PCDHGA10: variants seen among roughly 807,000 people sequenced by gnomAD.
The protein encoded by PCDHGA10 is protocadherin gamma-A10.
PCDHGA10 carries 42 observed loss-of-function variants against 59.5 expected under a neutral mutation model. The observed-to-expected ratio is 0.71, with a 90% CI of 0.55 to 0.91. PCDHGA10 has a LOEUF of 0.91. Among genes scored for constraint, PCDHGA10 ranks in the 40% least tolerant of loss-of-function variants. The pLI, the probability that PCDHGA10 is intolerant of heterozygous loss-of-function variation, is 0.00. For synonymous variants in PCDHGA10, 511 were observed against 517.2 expected, an observed-to-expected ratio of 0.99 and a Z score of 0.16; for missense variants, 1,111 against 1,198.2, an observed-to-expected ratio of 0.93 and a Z score of 1.07.
chr5:141,422,349 T>G, intron 1 of PCDHGA10: 1 of 1,554,722 alleles, frequency 6.4e-7, no homozygotes, highest in South Asian at 1.3e-5. Flanking sequence ...ATGTGCAAGA[T>G]CAAGATTCTG....
Position 141,432,804 on chromosome 5 carries a change from C to T in PCDHGA10, c.2436+17193C>T, listed in dbSNP as rs1482036720. The T allele has an allele frequency of 1.2e-6, 2 of 1,614,182 alleles. No individual in the cohort carries two copies. Among genetic ancestry groups the T allele is most frequent in the Non-Finnish European group, 1.7e-6 (2 of 1,180,008 alleles). ...GACCTCGGCAGCCTCGAGTCTCCAG[C>T]TAACTCTGAAACCTCAGACCTCACT... is the stretch of plus-strand genomic sequence containing the variant. On this transcript the variant is annotated intron_variant, in intron 1 of 3. Transcript: ENST00000398610. This position sits in a 1 kb window ranked among gnomAD's most constrained non-coding sequence, Gnocchi z 6.0.
chr5:141,446,138 T>C (rs1254949926), intron 1 of PCDHGA10, among the ~76,000 whole-genome samples: 1 of 152,208 alleles, frequency 6.6e-6, no homozygotes, highest in African/African-American at 2.4e-5. Context: ...GACTTAATAA[T>C]GGAATAGGTG....
Position 141,477,265 on chromosome 5 carries a change from G to T in PCDHGA10, c.2437-17542G>T. On this transcript the variant is annotated intron_variant, in intron 1 of 3. Coordinates refer to ENST00000398610, the MANE Select transcript of PCDHGA10 (RefSeq NM_018913.3). The surrounding 1 kb of genome is among the most constrained non-coding windows in gnomAD (Gnocchi z 4.9). ...GTGTGACTGACCTGGATGCTGGCGA[G>T]AACGGGCTGGTGACCTGCGAAGTTC... 6.2e-7 allele frequency: 1 copy of T among 1,614,198 alleles called. No individual in the cohort carries two copies. Among genetic ancestry groups the T allele is most frequent in the Non-Finnish European group, 8.5e-7 (1 of 1,180,044 alleles).
chr5:141,427,995 G>C (rs1292989797), intron 1 of PCDHGA10: 2 of 1,599,590 alleles, frequency 1.3e-6, no homozygotes, highest in African/African-American at 2.7e-5. Flanking sequence ...CGATGGCTCC[G>C]CACTCTTCGA....
intron 1 of PCDHGA10, among the ~76,000 whole-genome samples, chr5:141,425,440 A>G (rs1438530374): frequency 2.0e-5 from 3 of 152,248 alleles, no homozygotes; most frequent in Non-Finnish European, 4.4e-5. Flanking sequence ...GAGGATAAAA[A>G]TAAAACACCA....
chr5:141,430,383 G>GAAA (rs139772145), intron 1 of PCDHGA10, among the ~76,000 whole-genome samples: 2 of 138,566 alleles, frequency 1.4e-5, no homozygotes, highest in South Asian at 4.6e-4. Flanking sequence ...AGCTCATTGG[G>GAAA]AAAAAAAAAA....
At chr5:141,468,744 T>G (rs113912306) in intron 1 of PCDHGA10, among the ~76,000 whole-genome samples, 5,602 of 152,138 alleles carry the variant, frequency 0.037, 142 homozygotes, top group South Asian at 0.077. Flanking sequence ...CGGGTGCCTG[T>G]AGTCCCAGCT....
At chr5:141,423,837 A>G (rs73792199) in intron 1 of PCDHGA10, 16,285 of 1,277,458 alleles carry the variant, frequency 0.013, 610 homozygotes, top group African/African-American at 0.098. Context: ...TGAGATTACG[A>G]TAATCTTTCA....
At chr5:141,509,376 C>A (rs2099876528) in intron 3 of PCDHGA10, among the ~76,000 whole-genome samples, 1 of 152,122 alleles carries the variant, frequency 6.6e-6, no homozygotes, top group African/African-American at 2.4e-5. Flanking sequence ...TTAACTGTCT[C>A]CTAACCACAG....
In PCDHGA10 at chr5:141,422,632, G is replaced by T. The variant is rs199543811; in HGVS notation, c.2436+7021G>T. ...CTACATTCCCGAAAACAACCCCAGGGGTGCCTCCATCTTCTCAGTGACCGC... is the reference window on the plus strand; with the variant it reads ...CTACATTCCCGAAAACAACCCCAGGTGTGCCTCCATCTTCTCAGTGACCGC... On this transcript the variant is annotated intron_variant, in intron 1 of 3. Coordinates refer to ENST00000398610, the MANE Select transcript of PCDHGA10 (RefSeq NM_018913.3). 4,245 of 1,613,132 alleles carry T rather than the reference G, an allele frequency of 2.6e-3. 5 individuals carry two copies. The highest frequency in any genetic ancestry group is 3.2e-3 in the Admixed American group (193 of 59,948).
chr5:141,448,784 C>CA (rs576464275), intron 1 of PCDHGA10, among the ~76,000 whole-genome samples: 7,532 of 145,718 alleles, frequency 0.052, 302 homozygotes, highest in African/African-American at 0.11. Flanking sequence ...ACTAAAAATA[C>CA]AAAAAAAAAA....
chr5:141,427,458 A>T (rs2097029342), intron 1 of PCDHGA10: 1 of 494,398 alleles, frequency 2.0e-6, no homozygotes, highest in African/African-American at 1.9e-5. Context: ...TCCTTTTAGA[A>T]TCGAATCTTC....
intron 1 of PCDHGA10, among the ~76,000 whole-genome samples, chr5:141,492,206 G>T (rs1180294159): frequency 6.6e-6 from 1 of 152,204 alleles, no homozygotes; most frequent in African/African-American, 2.4e-5. Context: ...TTAGGTGTGC[G>T]CGCGGGGCTC....
In PCDHGA10 at chr5:141,490,861, T is replaced by C. The variant is rs1465042036; in HGVS notation, c.2437-3946T>C. The C allele has an allele frequency of 1.2e-6, 2 of 1,613,816 alleles. No individual in the cohort carries two copies. Among genetic ancestry groups the C allele is most frequent in the Non-Finnish European group, 1.7e-6 (2 of 1,179,920 alleles). On this transcript the variant is annotated intron_variant, in intron 1 of 3. Coordinates refer to ENST00000398610, the MANE Select transcript of PCDHGA10 (RefSeq NM_018913.3). The surrounding 1 kb of genome is among the most constrained non-coding windows in gnomAD (Gnocchi z 5.4). Reference sequence around the variant, plus strand: ...TGTGGTGGGGGTTCGAGACTCCGGCTCTCCCCCATTGCATGCCAACACATC... The same window carrying C: ...TGTGGTGGGGGTTCGAGACTCCGGCCCTCCCCCATTGCATGCCAACACATC...
At chr5:141,433,103 C>T (rs762225174) in intron 1 of PCDHGA10, 3 of 1,614,126 alleles carry the variant, frequency 1.9e-6, no homozygotes, top group Non-Finnish European at 2.5e-6. Flanking sequence ...GCTCGTCAGC[C>T]AGGAGAGCTT....
Position 141,432,691 on chromosome 5 carries a change from G to T in PCDHGA10, c.2436+17080G>T. 1 of 1,613,942 alleles carries T rather than the reference G, an allele frequency of 6.2e-7. No individual in the cohort carries two copies. The highest frequency in any genetic ancestry group is 1.1e-5 in the South Asian group (1 of 91,068). On this transcript the variant is annotated intron_variant, in intron 1 of 3. Coordinates refer to ENST00000398610, the MANE Select transcript of PCDHGA10 (RefSeq NM_018913.3). This position sits in a 1 kb window ranked among gnomAD's most constrained non-coding sequence, Gnocchi z 6.0. ...ACGCGCTCAAGCAGAGCCTCGTAGT[G>T]GCCGTCCAGGACCACGGCCAGCCCC... is the stretch of plus-strand genomic sequence containing the variant.
In PCDHGA10 at chr5:141,431,357, C is replaced by G. The variant is rs762220618; in HGVS notation, c.2436+15746C>G. 1.9e-5 allele frequency: 31 copies of G among 1,613,926 alleles called. No homozygotes were observed. Among genetic ancestry groups the G allele is most frequent in the Non-Finnish European group, 2.2e-5 (26 of 1,180,046 alleles). On this transcript the variant is annotated intron_variant, in intron 1 of 3. Coordinates refer to ENST00000398610, the MANE Select transcript of PCDHGA10 (RefSeq NM_018913.3). The surrounding 1 kb of genome is among the most constrained non-coding windows in gnomAD (Gnocchi z 4.8). ...CCCCGAATTGGTGCTGAAACGCGCC[C>G]TGGACCGCGAAGAAAAGGCTGCTCA...
At chr5:141,445,312 T>C (rs1419229431) in intron 1 of PCDHGA10, among the ~76,000 whole-genome samples, 2 of 152,194 alleles carry the variant, frequency 1.3e-5, no homozygotes, top group African/African-American at 4.8e-5. Context: ...AGTTTGTAGG[T>C]TGAGAGAACC....
rs2099687715 is a variant in PCDHGA10, at chr5:141,489,479, T to G, written c.2437-5328T>G. 1.2e-6 allele frequency: 2 copies of G among 1,614,090 alleles called. No individual in the cohort carries two copies. The highest frequency in any genetic ancestry group is 1.7e-6 in the Non-Finnish European group (2 of 1,180,010). ...GGGCGCTATTTTTCCCTGAGCTTGATGAGTGGTGCCCTGGCAGTGAATCAA... is the reference window on the plus strand; with the variant it reads ...GGGCGCTATTTTTCCCTGAGCTTGAGGAGTGGTGCCCTGGCAGTGAATCAA... On this transcript the variant is annotated intron_variant, in intron 1 of 3. Transcript: ENST00000398610. This position sits in a 1 kb window ranked among gnomAD's most constrained non-coding sequence, Gnocchi z 4.5.
Sources: allele counts gnomAD v4.1 joint callset (sites outside exome capture counted in the v4.1 genomes callset), GRCh38; gene constraint gnomAD v4.1.1; non-coding constraint Gnocchi (gnomAD v3.1); transcripts MANE v1.5; gene names NCBI Gene and HGNC (gene_info 2026-07-23, HGNC 2026-07-21).